CLINT1: variants seen among roughly 807,000 people sequenced by gnomAD.
The protein encoded by CLINT1 is clathrin interactor 1.
CLINT1 carries 15 observed loss-of-function variants against 70.4 expected under a neutral mutation model. That is an observed-to-expected ratio of 0.21 (90% CI 0.14 to 0.33). The LOEUF (loss-of-function observed/expected upper bound fraction) is 0.33, where lower values mean the gene tolerates loss of function less well. Ranked by LOEUF, CLINT1 falls within the 10% of genes least tolerant of loss-of-function variation. The probability of loss-of-function intolerance (pLI) is 1.00; values close to 1 mark genes in which losing one functional copy is unlikely to be tolerated. For missense variants in CLINT1, 615 were observed against 778.1 expected (o/e 0.79, Z 2.49); for synonymous variants, 227 against 254.7 (o/e 0.89, Z 1.04).
chr5:157,853,949 C>T (rs1753665312), intron 1 of CLINT1, among the ~76,000 whole-genome samples: 1 of 152,058 alleles, frequency 6.6e-6, no homozygotes, highest in African/African-American at 2.4e-5. Flanking sequence ...ATAAACCAAA[C>T]TCATCTTTCT....
At chr5:157,812,582 T>A (rs1163219876) in intron 5 of CLINT1, among the ~76,000 whole-genome samples, 1 of 152,310 alleles carries the variant, frequency 6.6e-6, no homozygotes, top group South Asian at 2.1e-4. Flanking sequence ...TATGTCAAAG[T>A]ATGCAATGCT....
rs144940215 is a variant in CLINT1 at position 157,791,913 on chromosome 5, G to A, written c.1170C>T (p.Gly390=). The A allele has an allele frequency of 5.6e-5, 90 of 1,613,960 alleles. 1 individual carries two copies. The African/African-American group carries it at 9.3e-4, about 17-fold the overall frequency. ...GCTGTGAGGCACTGCCAAAGAACTC[G>A]CCACTGGAAGCAACAGGGCCTGATG... ...QAPSGPVASS[G]EFFGSASQPA... is the part of the protein sequence containing the mutation. The change falls in exon 10 of 12, where the codon GGC becomes GGT. Residue 390 remains glycine (G), a synonymous_variant. Transcript: ENST00000411809.
In CLINT1 at chr5:157,792,320, G is replaced by C. The variant is rs534045013; in HGVS notation, c.1088-325C>G. On this transcript the variant is annotated intron_variant, in intron 9 of 11. Coordinates refer to ENST00000411809, the MANE Select transcript of CLINT1 (RefSeq NM_014666.4). ...CCCAGGACTTTGGGAGGCCGAGACA[G>C]GTGGATCACAAGGTCAGGAGATTGA... Among the ~76,000 whole-genome samples, 5 of 152,208 alleles carry C rather than the reference G, an allele frequency of 3.3e-5. No homozygotes were observed. The East Asian group carries it at 9.7e-4, about 29-fold the overall frequency.
At chr5:157,821,068 T>C (rs944576281) in intron 1 of CLINT1, among the ~76,000 whole-genome samples, 21 of 152,156 alleles carry the variant, frequency 1.4e-4, no homozygotes, top group African/African-American at 5.1e-4. Context: ...CACTTAGTTG[T>C]TGTTTTTTTT....
intron 1 of CLINT1, among the ~76,000 whole-genome samples, chr5:157,855,417 T>C (rs980695061): frequency 6.6e-6 from 1 of 152,106 alleles, no homozygotes; most frequent in African/African-American, 2.4e-5. Context: ...AGGATGACAA[T>C]GATTAAGCTA....
In CLINT1 at chr5:157,794,925, C is replaced by G; in HGVS notation, c.1060G>C (p.Ala354Pro). ...TGGGAAGGGAAACTGCCTGATGCAGCAGCTGAGCCAAAGTCAGCAAATCCT... is the reference window on the plus strand; with the variant it reads ...TGGGAAGGGAAACTGCCTGATGCAGGAGCTGAGCCAAAGTCAGCAAATCCT... ...FGGFADFGSAAASGSFPSQVT... is the reference protein window; with the variant it reads ...FGGFADFGSAPASGSFPSQVT... The change falls in exon 9 of 12, where the codon GCT becomes CCT. Residue 354 changes from alanine to proline, a missense_variant. By Grantham distance (27) the Ala-to-Pro change is conservative (BLOSUM62 -1). Around this residue, in one of 2 missense-constraint regions of CLINT1, gnomAD observed 374 missense variants for 409.6 expected, o/e 0.91. Transcript: ENST00000411809. 1.3e-6 allele frequency: 2 copies of G among 1,558,516 alleles called. No individual in the cohort carries two copies. Among genetic ancestry groups the G allele is most frequent in the Non-Finnish European group, 1.7e-6 (2 of 1,150,538 alleles).
intron 3 of CLINT1, among the ~76,000 whole-genome samples, chr5:157,814,792 G>C (rs940580524): frequency 1.3e-5 from 2 of 152,020 alleles, no homozygotes; most frequent in African/African-American, 4.8e-5. Flanking sequence ...GCACTTCCTG[G>C]GAGGCCGAGG....
intron 1 of CLINT1, among the ~76,000 whole-genome samples, chr5:157,846,098 C>A (rs909499600): frequency 6.6e-6 from 1 of 152,136 alleles, no homozygotes; most frequent in African/African-American, 2.4e-5. Context: ...CAATTAATAA[C>A]CCTACAATGA....
intron 1 of CLINT1, among the ~76,000 whole-genome samples, chr5:157,851,507 G>A (rs916861839): frequency 7.9e-5 from 12 of 151,754 alleles, no homozygotes; most frequent in African/African-American, 2.4e-4. Flanking sequence ...TGGGAAATGC[G>A]GCAAAACTCC....
chr5:157,800,299 C>T (rs191932785), intron 8 of CLINT1, among the ~76,000 whole-genome samples: 3 of 152,164 alleles, frequency 2.0e-5, no homozygotes, highest in African/African-American at 7.2e-5. Flanking sequence ...GGTACAGATG[C>T]CATATCTGCT....
At chr5:157,790,706 G>A (rs1761875385) in intron 10 of CLINT1, 1 of 445,498 alleles carries the variant, frequency 2.2e-6, no homozygotes, top group Non-Finnish European at 4.5e-6. Context: ...AATAGTTTGA[G>A]TCAAAAATAG....
intron 8 of CLINT1, among the ~76,000 whole-genome samples, chr5:157,797,237 T>C (rs1000574087): frequency 6.6e-6 from 1 of 152,198 alleles, no homozygotes; most frequent in Non-Finnish European, 1.5e-5. Context: ...AAGTATACTG[T>C]TGGGTAACAG....
intron 8 of CLINT1, among the ~76,000 whole-genome samples, chr5:157,799,893 T>C (rs1318623594): frequency 6.6e-6 from 1 of 152,102 alleles, no homozygotes; most frequent in Non-Finnish European, 1.5e-5. Flanking sequence ...TGTAACACAA[T>C]AGAAAGTGTT....
At chr5:157,850,969 AT>A (rs1474156854) in intron 1 of CLINT1, among the ~76,000 whole-genome samples, 1 of 151,762 alleles carries the variant, frequency 6.6e-6, no homozygotes, top group Non-Finnish European at 1.5e-5. Flanking sequence ...TAATTTTTTA[AT>A]TTTTTTGTAG....
chr5:157,794,894 A>G lies in CLINT1; in HGVS notation c.1087+4T>C, dbSNP rs1346341612. On this transcript the variant is annotated splice_donor_region_variant and intron_variant, in intron 9 of 11. Coordinates refer to ENST00000411809, the MANE Select transcript of CLINT1 (RefSeq NM_014666.4). ...GACTTCTGGCCAATCAAATTGAATC[A>G]TACCTTGGGAAGGGAAACTGCCTGA... The G allele has an allele frequency of 2.6e-6, 4 of 1,555,812 alleles. No individual in the cohort carries two copies. The South Asian group carries it at 3.6e-5, about 14-fold the overall frequency.
chr5:157,798,623 C>T (rs1254654549), intron 8 of CLINT1, among the ~76,000 whole-genome samples: 1 of 151,922 alleles, frequency 6.6e-6, no homozygotes, highest in African/African-American at 2.4e-5. Flanking sequence ...ATCTATAATA[C>T]ACAAGTTTTA....
chr5:157,828,517 C>A (rs748563613), intron 1 of CLINT1, among the ~76,000 whole-genome samples: 1 of 151,832 alleles, frequency 6.6e-6, no homozygotes, highest in Admixed American at 6.6e-5. Context: ...GAGCAAAGCC[C>A]GGAAGAACCA....
At chr5:157,858,793 G>A (rs1018523556) in intron 1 of CLINT1, 137 bp downstream of exon 1, 1 of 909,088 alleles carries the variant, frequency 1.1e-6, no homozygotes, top group Non-Finnish European at 1.6e-6. Context: ...GGGCCGGGAA[G>A]GAGCGGGCCG....
intron 1 of CLINT1, among the ~76,000 whole-genome samples, chr5:157,835,176 C>T (rs923244542): frequency 3.9e-5 from 6 of 152,248 alleles, no homozygotes; most frequent in Admixed American, 3.3e-4. Flanking sequence ...TTTAAAATGG[C>T]CCTGAGCATA....
Sources: allele counts gnomAD v4.1 joint callset (sites outside exome capture counted in the v4.1 genomes callset), GRCh38; gene constraint gnomAD v4.1.1; regional missense constraint gnomAD v4.1.1; transcripts MANE v1.5; gene names NCBI Gene and HGNC (gene_info 2026-07-23, HGNC 2026-07-21).